The following PAQR8 variants were observed in gnomAD, a reference collection of about 807,000 sequenced individuals.
The protein encoded by PAQR8 is membrane progestin receptor beta.
In PAQR8, 17 loss-of-function variants were observed where a neutral mutation model predicts 25.2. That is an observed-to-expected ratio of 0.67 (90% CI 0.46 to 1.01). The LOEUF (loss-of-function observed/expected upper bound fraction) is 1.01, where lower values mean the gene tolerates loss of function less well. Among genes scored for constraint, PAQR8 ranks in the 50% least tolerant of loss-of-function variants. PAQR8 has a pLI of 0.00. For synonymous variants in PAQR8, 204 were observed against 190.6 expected, an observed-to-expected ratio of 1.07 and a Z score of -0.58; for missense variants, 392 against 448.4, an observed-to-expected ratio of 0.87 and a Z score of 1.14.
At chr6:52,369,417 G>GA (rs1228175301) in intron 1 of PAQR8, among the ~76,000 whole-genome samples, 1 of 151,982 alleles carries the variant, frequency 6.6e-6, no homozygotes, top group Admixed American at 6.6e-5. Flanking sequence ...CAAAGAAGAA[G>GA]AAAAAAATCT....
intron 1 of PAQR8, among the ~76,000 whole-genome samples, chr6:52,364,127 T>C (rs1763325876): frequency 7.1e-6 from 1 of 140,352 alleles, no homozygotes; most frequent in Non-Finnish European, 1.5e-5. Flanking sequence ...TGCACCAGAT[T>C]TCCTTCTGGT....
intron 1 of PAQR8, among the ~76,000 whole-genome samples, chr6:52,374,850 T>A (rs947573357): frequency 6.6e-6 from 1 of 151,748 alleles, no homozygotes; most frequent in Non-Finnish European, 1.5e-5. Flanking sequence ...CAGGATGCAA[T>A]TGAAGAAAAG....
chr6:52,382,514 T>C (rs542164168), intron 1 of PAQR8, among the ~76,000 whole-genome samples: 1 of 151,928 alleles, frequency 6.6e-6, no homozygotes, highest in Non-Finnish European at 1.5e-5. Context: ...GCAAAGAAAA[T>C]GAGTCAACTA....
Position 52,403,146 on chromosome 6 carries a change from C to T in PAQR8, c.-52-16C>T. On this transcript the variant is annotated splice_polypyrimidine_tract_variant and intron_variant, in intron 1 of 1. Transcript: ENST00000442253. ...GTCTCACTGCGGCTTTGCCAATTTTCCTTTCTTTTCTGCAGGTTGCATACC... is the reference window on the plus strand; with the variant it reads ...GTCTCACTGCGGCTTTGCCAATTTTTCTTTCTTTTCTGCAGGTTGCATACC... The T allele has an allele frequency of 7.2e-7, 1 of 1,393,302 alleles. No homozygotes were observed. The highest frequency in any genetic ancestry group is 9.7e-7 in the Non-Finnish European group (1 of 1,035,898). The allele number at this position is 1,393,302 out of a possible 1,614,324, so 86.3% of individuals were successfully genotyped here.
At chr6:52,387,450 C>T (rs567718304) in intron 1 of PAQR8, among the ~76,000 whole-genome samples, 2 of 152,296 alleles carry the variant, frequency 1.3e-5, no homozygotes, top group African/African-American at 4.8e-5. Flanking sequence ...CACTTAAATT[C>T]AGTGTACCTC....
chr6:52,395,138 T>C (rs773972805), intron 1 of PAQR8, among the ~76,000 whole-genome samples: 59 of 152,110 alleles, frequency 3.9e-4, no homozygotes, highest in Non-Finnish European at 7.9e-4. Context: ...CATAGTGGCA[T>C]GCACCTGCAG....
chr6:52,363,815 T>TA (rs1305806981), intron 1 of PAQR8, among the ~76,000 whole-genome samples: 2 of 152,198 alleles, frequency 1.3e-5, no homozygotes, highest in African/African-American at 2.4e-5. Flanking sequence ...CCAGACTGCT[T>TA]AGGACCTCAG....
At chr6:52,372,232 C>A (rs1763427856) in intron 1 of PAQR8, among the ~76,000 whole-genome samples, 1 of 152,166 alleles carries the variant, frequency 6.6e-6, no homozygotes, top group African/African-American at 2.4e-5. Context: ...CAGTTTGGAG[C>A]CACTACCAGC....
chr6:52,366,641 C>T (rs1381829690), intron 1 of PAQR8, among the ~76,000 whole-genome samples: 4 of 152,072 alleles, frequency 2.6e-5, no homozygotes, highest in African/African-American at 9.7e-5. Context: ...TATTGCTATA[C>T]GAAACTTTCC....
intron 1 of PAQR8, among the ~76,000 whole-genome samples, chr6:52,368,132 A>G (rs947375755): frequency 6.6e-6 from 1 of 151,736 alleles, no homozygotes; most frequent in African/African-American, 2.4e-5. Flanking sequence ...TGGGACGTGC[A>G]CACACACACA....
intron 1 of PAQR8, among the ~76,000 whole-genome samples, chr6:52,382,725 C>G (rs551211907): frequency 6.6e-6 from 1 of 151,914 alleles, no homozygotes; most frequent in Non-Finnish European, 1.5e-5. Context: ...GAAAACCACC[C>G]ACAATGCATA....
chr6:52,388,408 G>C (rs1763658296), intron 1 of PAQR8, among the ~76,000 whole-genome samples: 2 of 152,032 alleles, frequency 1.3e-5, no homozygotes, highest in Admixed American at 1.3e-4. Flanking sequence ...AAATGTAATG[G>C]GTTTGAATCA....
chr6:52,399,417 A>G (rs1444944326), intron 1 of PAQR8, among the ~76,000 whole-genome samples: 1 of 152,196 alleles, frequency 6.6e-6, no homozygotes, highest in Admixed American at 6.5e-5. Flanking sequence ...TCCAATCGCT[A>G]AACTACTAAA....
At chr6:52,365,002 T>C (rs1475032916) in intron 1 of PAQR8, among the ~76,000 whole-genome samples, 1 of 152,342 alleles carries the variant, frequency 6.6e-6, no homozygotes, top group African/African-American at 2.4e-5. Context: ...TTTATTGTTA[T>C]AGCTTATGGC....
In PAQR8 at chr6:52,362,924, G is replaced by C. The variant is rs1018027238; in HGVS notation, c.-53+675G>C. Among the ~76,000 whole-genome samples, 7 of 152,256 alleles carry C rather than the reference G, an allele frequency of 4.6e-5. No individual in the cohort carries two copies. Among genetic ancestry groups the C allele is most frequent in the African/African-American group, 1.7e-4 (7 of 41,546 alleles). ...GAGCGGAGTTGTGATGGGAACCGCC[G>C]GCAGCTGGCTAATGGGCGGATGCTG... On this transcript the variant is annotated intron_variant, in intron 1 of 1. Transcript: ENST00000442253. The surrounding 1 kb of genome is among the most constrained non-coding windows in gnomAD (Gnocchi z 4.1).
intron 1 of PAQR8, among the ~76,000 whole-genome samples, chr6:52,390,730 C>T (rs1044518974): frequency 3.9e-5 from 6 of 152,174 alleles, no homozygotes; most frequent in African/African-American, 1.2e-4. Flanking sequence ...TTTAAACCCC[C>T]CATGACCAAT....
intron 1 of PAQR8, among the ~76,000 whole-genome samples, chr6:52,380,910 AAG>A (rs142556518): frequency 1.0e-3 from 152 of 152,334 alleles, no homozygotes; most frequent in African/African-American, 3.6e-3. Context: ...AACAAACTGA[AAG>A]AGGTTTGCAT....
intron 1 of PAQR8, among the ~76,000 whole-genome samples, chr6:52,363,001 G>A (rs1327315345): frequency 6.6e-6 from 1 of 152,116 alleles, no homozygotes; most frequent in Non-Finnish European, 1.5e-5. Context: ...TGGCTGGTGG[G>A]GCTGGAACGC....
intron 1 of PAQR8, among the ~76,000 whole-genome samples, chr6:52,402,645 A>AAAG (rs1208647184): frequency 4.6e-5 from 7 of 151,536 alleles, no homozygotes; most frequent in African/African-American, 1.7e-4. Flanking sequence ...AGAAAGAAAG[A>AAAG]AAAAAAAGAA....
Sources: allele counts gnomAD v4.1 joint callset (sites outside exome capture counted in the v4.1 genomes callset), GRCh38; gene constraint gnomAD v4.1.1; non-coding constraint Gnocchi (gnomAD v3.1); transcripts MANE v1.5; gene names NCBI Gene and HGNC (gene_info 2026-07-23, HGNC 2026-07-21).